CADM2: variants seen among roughly 807,000 people sequenced by gnomAD.
CADM2 encodes the protein immunoglobulin superfamily member 4D.
CADM2 carries 12 observed loss-of-function variants against 49.8 expected under a neutral mutation model. The ratio of observed to expected loss-of-function variants is 0.24; its 90% CI spans 0.15 to 0.39. CADM2 has a LOEUF of 0.39. CADM2 is among the 10% of genes least tolerant of loss of function. CADM2 has a pLI of 1.00. For synonymous variants in CADM2, 214 were observed against 175.4 expected (o/e 1.22, Z -1.74); for missense variants, 378 against 492.3 (o/e 0.77, Z 2.20).
chr3:85,456,384 C>A (rs919707228), intron 1 of CADM2, among the ~76,000 whole-genome samples: 158 of 152,202 alleles, frequency 1.0e-3, no homozygotes, highest in South Asian at 6.2e-4. Context: ...TTATGTAACA[C>A]TTGGCTATTA....
rs2033403035 is a variant in CADM2, at chr3:85,000,389, A to ATT, written c.61+40721_61+40722insTT. 1.3e-5 allele frequency among the ~76,000 whole-genome samples: 2 copies of ATT among 151,892 alleles called. 1 individual carries two copies. The highest frequency in any genetic ancestry group is 4.1e-4 in the South Asian group (2 of 4,822). ...GCAATCCTCCCACTTCGGCCTCCCA[A>ATT]AGCACTGCTTCTATTCTTTTAAAGC... On this transcript the variant is annotated intron_variant, in intron 1 of 9. Coordinates refer to ENST00000383699, the MANE Select transcript of CADM2 (RefSeq NM_001167675.2).
chr3:85,553,742 G>A (rs1011904862), intron 1 of CADM2, among the ~76,000 whole-genome samples: 4 of 152,216 alleles, frequency 2.6e-5, no homozygotes, highest in East Asian at 1.9e-4. Flanking sequence ...CAATTCAGGC[G>A]TAAACGTAGT....
chr3:86,065,047 C>T (rs1221192082), intron 8 of CADM2, among the ~76,000 whole-genome samples: 1 of 152,138 alleles, frequency 6.6e-6, no homozygotes, highest in Non-Finnish European at 1.5e-5. Context: ...TCAGTCTGCA[C>T]AACTGGAAGT....
At chr3:85,153,600 G>C (rs1192579675) in intron 1 of CADM2, among the ~76,000 whole-genome samples, 2 of 152,174 alleles carry the variant, frequency 1.3e-5, no homozygotes, top group African/African-American at 2.4e-5. Flanking sequence ...GCTCAAGGAG[G>C]CCTGCCTGCC....
intron 1 of CADM2, among the ~76,000 whole-genome samples, chr3:85,386,734 T>C (rs767420872): frequency 6.6e-6 from 1 of 152,174 alleles, no homozygotes; most frequent in Non-Finnish European, 1.5e-5. Context: ...ATACTACCTT[T>C]TGCATGTTAA....
chr3:85,614,198 G>T (rs2107462065), intron 1 of CADM2, among the ~76,000 whole-genome samples: 1 of 151,710 alleles, frequency 6.6e-6, no homozygotes, highest in East Asian at 1.9e-4. Flanking sequence ...CTAAAAGTGT[G>T]TGTTTGATGA....
Position 85,291,870 on chromosome 3 carries a change from A to T in CADM2, c.61+332202A>T, listed in dbSNP as rs1576294453. The stretch of plus-strand genomic sequence containing the variant: ...TAAAGACCATCGAGACTAGGAAGAA[A>T]CTGCATCAACTAACGAGCAAAATAA... On this transcript the variant is annotated intron_variant, in intron 1 of 9. Coordinates refer to ENST00000383699, the MANE Select transcript of CADM2 (RefSeq NM_001167675.2). Among the ~76,000 whole-genome samples the T allele has an allele frequency of 4.0e-5, 6 of 150,566 alleles. No individual in the cohort carries two copies. In the South Asian group the frequency reaches 1.2e-3, roughly 31 times the overall value.
intron 6 of CADM2, among the ~76,000 whole-genome samples, chr3:85,916,633 C>T (rs1263127427): frequency 2.6e-5 from 4 of 151,966 alleles, no homozygotes; most frequent in South Asian, 2.1e-4. Context: ...AATAAACATA[C>T]GTGTGCATGT....
At chr3:85,310,060 A>T (rs1177634470) in intron 1 of CADM2, among the ~76,000 whole-genome samples, 1 of 152,178 alleles carries the variant, frequency 6.6e-6, no homozygotes, top group Non-Finnish European at 1.5e-5. Context: ...GTTTTAAAGT[A>T]CTTTGTCCTT....
At chr3:85,191,499 A>G (rs2041206565) in intron 1 of CADM2, among the ~76,000 whole-genome samples, 1 of 152,062 alleles carries the variant, frequency 6.6e-6, no homozygotes, top group Admixed American at 6.6e-5. Flanking sequence ...TTAGATGAAA[A>G]AAATTGGGAC....
At chr3:85,842,365 A>G (rs2074676847) in intron 3 of CADM2, among the ~76,000 whole-genome samples, 1 of 152,214 alleles carries the variant, frequency 6.6e-6, no homozygotes, top group East Asian at 1.9e-4. Flanking sequence ...CTTGAATGCA[A>G]GTTATATTTG....
chr3:85,090,632 G>A (rs553091083), intron 1 of CADM2, among the ~76,000 whole-genome samples: 29 of 152,268 alleles, frequency 1.9e-4, no homozygotes, highest in African/African-American at 6.5e-4. Context: ...CTAGACCAGG[G>A]CTGTGGACCT....
chr3:85,890,194 G>GA (rs1270110812), intron 5 of CADM2, among the ~76,000 whole-genome samples: 1 of 151,660 alleles, frequency 6.6e-6, no homozygotes, highest in Non-Finnish European at 1.5e-5. Flanking sequence ...GAGTAAGAAG[G>GA]AAAAAAAGGG....
At chr3:86,028,256 A>G (rs964764647) in intron 8 of CADM2, among the ~76,000 whole-genome samples, 1 of 151,858 alleles carries the variant, frequency 6.6e-6, no homozygotes, top group Non-Finnish European at 1.5e-5. Context: ...TCATTTCACC[A>G]TTCTTCAGGC....
At chr3:85,882,482 G>A (rs1446127423) in intron 3 of CADM2, among the ~76,000 whole-genome samples, 1 of 152,074 alleles carries the variant, frequency 6.6e-6, no homozygotes, top group African/African-American at 2.4e-5. Flanking sequence ...TTTTCCTCGG[G>A]TGCTGGTGTC....
At chr3:85,147,296 A>AAAAAAAAAAC (rs2039778163) in intron 1 of CADM2, among the ~76,000 whole-genome samples, 1 of 146,530 alleles carries the variant, frequency 6.8e-6, no homozygotes, top group African/African-American at 2.6e-5. Flanking sequence ...AAAAAAAAAA[A>AAAAAAAAAAC]AAAAAAAAAG....
intron 1 of CADM2, among the ~76,000 whole-genome samples, chr3:85,219,328 T>A (rs1291162560): frequency 1.3e-5 from 2 of 152,168 alleles, no homozygotes; most frequent in Admixed American, 6.5e-5. Flanking sequence ...CATTAGTGAA[T>A]GTAATGCTCT....
At chr3:86,027,740 T>G in intron 8 of CADM2, 1 of 152,118 alleles carries the variant, frequency 6.6e-6, no homozygotes, top group East Asian at 1.9e-4. Flanking sequence ...ATTTTTACTA[T>G]ATGGTTTCAA....
intron 1 of CADM2, among the ~76,000 whole-genome samples, chr3:85,420,137 C>A (rs1405954203): frequency 6.6e-6 from 1 of 152,116 alleles, no homozygotes; most frequent in Non-Finnish European, 1.5e-5. Context: ...AGTTTTCTTC[C>A]TGGAATCTTT....
Sources: gnomAD v4.1 joint callset for allele counts (sites outside exome capture counted in the v4.1 genomes callset) on GRCh38, gnomAD v4.1.1 for gene constraint, MANE v1.5 for transcripts, NCBI Gene and HGNC (gene_info 2026-07-23, HGNC 2026-07-21) for gene names.